SUGCT: variants seen among roughly 807,000 people sequenced by gnomAD.
SUGCT encodes succinyl-CoA:glutarate CoA-transferase.
SUGCT carries 41 observed loss-of-function variants against 55.0 expected under a neutral mutation model. That is an observed-to-expected ratio of 0.74 (90% CI 0.58 to 0.97). SUGCT has a LOEUF of 0.97. SUGCT is among the 50% of genes least tolerant of loss of function. The pLI, the probability that SUGCT is intolerant of heterozygous loss-of-function variation, is 0.00. For missense variants in SUGCT, 568 were observed against 547.8 expected (o/e 1.04, Z -0.37); for synonymous variants, 187 against 200.4 (o/e 0.93, Z 0.56).
At chr7:40,954,593 C>A in the SUGCT span, among the ~76,000 whole-genome samples, 6 of 152,066 alleles carry the variant, frequency 3.9e-5, no homozygotes, top group Admixed American at 2.0e-4. Flanking sequence ...CGTCTTGGAA[C>A]TGCCCCTGAT....
rs183056864 is a variant in SUGCT at position 40,561,071 on chromosome 7, C to T, written c.1089+64685C>T. Among the ~76,000 whole-genome samples the T allele has an allele frequency of 1.4e-3, 212 of 152,260 alleles. 3 individuals are homozygous for T. Among genetic ancestry groups the T allele is most frequent in the South Asian group, 1.9e-3 (9 of 4,822 alleles). ...CATTGTTCCTTCTTAAAAGCATTGC[C>T]TGTGTTTGGACTTAGTAGAAATGCT... is the stretch of plus-strand genomic sequence containing the variant. On this transcript the variant is annotated intron_variant, in intron 12 of 13. Transcript: ENST00000335693.
intron 12 of SUGCT, among the ~76,000 whole-genome samples, chr7:40,650,844 T>G (rs931529212): frequency 6.6e-6 from 1 of 152,174 alleles, no homozygotes; most frequent in Non-Finnish European, 1.5e-5. Flanking sequence ...ATGCATTAGC[T>G]ATTTTTCCTA....
intron 6 of SUGCT, among the ~76,000 whole-genome samples, chr7:40,210,641 C>T (rs960775237): frequency 7.9e-5 from 12 of 152,096 alleles, no homozygotes; most frequent in Admixed American, 4.6e-4. Context: ...ATGGTGAGCG[C>T]ACACCTGGAT....
the SUGCT span, chr7:40,964,597 G>A: frequency 6.6e-6 from 1 of 152,210 alleles, no homozygotes; most frequent in Non-Finnish European, 1.5e-5. Context: ...ACGATGCTTT[G>A]CCACGTGTTC....
chr7:40,607,920 A>G (rs1798602490), intron 12 of SUGCT, among the ~76,000 whole-genome samples: 1 of 152,208 alleles, frequency 6.6e-6, no homozygotes, highest in Non-Finnish European at 1.5e-5. Context: ...ATTCTTAACT[A>G]CCATAGCCCT....
chr7:40,872,825 A>C, the SUGCT span, among the ~76,000 whole-genome samples: 1 of 152,230 alleles, frequency 6.6e-6, no homozygotes. Context: ...GTTAAGAAAT[A>C]TCAAGTGAGA....
At chr7:40,603,597 T>C (rs927409018) in intron 12 of SUGCT, among the ~76,000 whole-genome samples, 2 of 152,186 alleles carry the variant, frequency 1.3e-5, no homozygotes, top group African/African-American at 4.8e-5. Context: ...TGGATTTAGA[T>C]GGTTCTCAGC....
At chr7:40,462,586 C>T (rs1485294982) in intron 11 of SUGCT, among the ~76,000 whole-genome samples, 1 of 152,046 alleles carries the variant, frequency 6.6e-6, no homozygotes, top group Admixed American at 6.6e-5. Context: ...CAGGAAGACC[C>T]CGTTTCTCAC....
At chr7:40,963,746 T>A in the SUGCT span, among the ~76,000 whole-genome samples, 1 of 30,116 alleles carries the variant, frequency 3.3e-5, no homozygotes, top group East Asian at 4.9e-4. Context: ...CTCTTCGTTG[T>A]TTCTGGCAGA....
At chr7:40,746,779 T>A (rs1787754840) in intron 12 of SUGCT, among the ~76,000 whole-genome samples, 1 of 152,232 alleles carries the variant, frequency 6.6e-6, no homozygotes, top group Non-Finnish European at 1.5e-5. Flanking sequence ...TAACGTTTGC[T>A]ACATGATTAA....
At chr7:40,877,838 G>A in the SUGCT span, among the ~76,000 whole-genome samples, 3 of 152,200 alleles carry the variant, frequency 2.0e-5, no homozygotes, top group Non-Finnish European at 2.9e-5. Flanking sequence ...CTGCACATGT[G>A]CATGTCACAT....
the SUGCT span, among the ~76,000 whole-genome samples, chr7:40,928,891 G>T: frequency 2.0e-5 from 3 of 152,010 alleles, no homozygotes; most frequent in African/African-American, 7.2e-5. Flanking sequence ...GAGCCACCCT[G>T]CCCGGCAAAA....
At chr7:40,614,120 C>T (rs1798889595) in intron 12 of SUGCT, among the ~76,000 whole-genome samples, 1 of 151,726 alleles carries the variant, frequency 6.6e-6, no homozygotes, top group African/African-American at 2.4e-5. Context: ...TAAACAACCC[C>T]AAGGCTGTTT....
intron 12 of SUGCT, among the ~76,000 whole-genome samples, chr7:40,672,562 G>A (rs1801993061): frequency 6.6e-6 from 1 of 152,154 alleles, no homozygotes; most frequent in Admixed American, 6.5e-5. Flanking sequence ...TAAGGAGAAG[G>A]TGAGGACAGA....
At chr7:40,768,549 A>T (rs1407122304) in intron 13 of SUGCT, among the ~76,000 whole-genome samples, 1 of 152,170 alleles carries the variant, frequency 6.6e-6, no homozygotes, top group Non-Finnish European at 1.5e-5. Context: ...GACCCACTCT[A>T]TCTTTCTATG....
chr7:40,151,733 T>C (rs1026650396), intron 1 of SUGCT: 1 of 164,876 alleles, frequency 6.1e-6, no homozygotes, highest in African/African-American at 2.4e-5. Context: ...CTCAAGTCAC[T>C]ATGTAACTGC....
chr7:40,228,100 T>C (rs548622651), intron 6 of SUGCT, among the ~76,000 whole-genome samples: 9 of 152,250 alleles, frequency 5.9e-5, no homozygotes, highest in South Asian at 2.1e-4. Context: ...CAGTCTGTTT[T>C]GGAAGTCCTG....
At chr7:40,857,638 C>T (rs1025767129) in intron 13 of SUGCT, among the ~76,000 whole-genome samples, 2 of 152,040 alleles carry the variant, frequency 1.3e-5, no homozygotes, top group Non-Finnish European at 2.9e-5. Context: ...TTCCCTCATT[C>T]GATCACTGTG....
intron 12 of SUGCT, among the ~76,000 whole-genome samples, chr7:40,624,140 T>C (rs1799404639): frequency 6.6e-6 from 1 of 152,156 alleles, no homozygotes; most frequent in African/African-American, 2.4e-5. Context: ...AGAACGTTGC[T>C]TCCCTGGCAC....
Sources: allele counts gnomAD v4.1 joint callset (sites outside exome capture counted in the v4.1 genomes callset), GRCh38; gene constraint gnomAD v4.1.1; transcripts MANE v1.5; gene names NCBI Gene and HGNC (gene_info 2026-07-23, HGNC 2026-07-21).